Variants in NRG1 observed in about 807,000 individuals in gnomAD.
NRG1 encodes the protein pro-neuregulin-1, membrane-bound isoform.
A neutral mutation model predicts 63.8 loss-of-function variants in NRG1; 18 were observed. The observed-to-expected ratio is 0.28, with a 90% confidence interval of 0.19 to 0.42. The LOEUF (loss-of-function observed/expected upper bound fraction) is 0.42, where lower values mean the gene tolerates loss of function less well. Ranked by LOEUF, NRG1 falls within the 10% of genes least tolerant of loss-of-function variation. NRG1 has a pLI of 1.00. For synonymous variants in NRG1, 302 were observed against 301.3 expected (o/e 1.00, Z -0.02); for missense variants, 762 against 814.7 (o/e 0.94, Z 0.79).
chr8:32,403,249 G>A lies in NRG1; in HGVS notation c.38-192579G>A, dbSNP rs540278537. ...GAAGGCAGAAAAGTTGCAGTGAGCC[G>A]AGATCATGCCACTGCACTCCAGCCT... On this transcript the variant is annotated intron_variant, in intron 1 of 10. Coordinates refer to the NRG1 transcript ENST00000519301. 2.0e-3 allele frequency among the ~76,000 whole-genome samples: 290 copies of A among 143,060 alleles called. 1 individual carries two copies. Among genetic ancestry groups the A allele is most frequent in the Non-Finnish European group, 3.2e-3 (212 of 66,734 alleles). 93.9% of individuals were successfully genotyped at this position (143,060 alleles called of 152,430 possible). A position where few individuals can be genotyped will look rare whatever the true frequency, so the allele number is the denominator to read the frequency against.
intron 6 of NRG1, among the ~76,000 whole-genome samples, chr8:32,735,861 T>C (rs1438375206): frequency 1.3e-5 from 2 of 152,210 alleles, no homozygotes; most frequent in African/African-American, 2.4e-5. Context: ...TTATATGTCC[T>C]GGACATTGAA....
chr8:32,460,673 A>G (rs1277016796), intron 1 of NRG1, among the ~76,000 whole-genome samples: 1 of 152,342 alleles, frequency 6.6e-6, no homozygotes, highest in Admixed American at 6.5e-5. Context: ...GAAAAAACCC[A>G]GACAACAACA....
intron 5 of NRG1, among the ~76,000 whole-genome samples, chr8:32,694,595 C>G (rs1812755191): frequency 1.3e-5 from 2 of 152,096 alleles, no homozygotes; most frequent in Non-Finnish European, 2.9e-5. Flanking sequence ...ACTATGAAGA[C>G]CCACACTGAC....
At chr8:32,009,547 A>C (rs1814392469) in intron 1 of NRG1, among the ~76,000 whole-genome samples, 1 of 152,018 alleles carries the variant, frequency 6.6e-6, no homozygotes, top group Non-Finnish European at 1.5e-5. Flanking sequence ...TGAAAAAAAT[A>C]AAGCAGGAAA....
rs1817286988 is a variant in NRG1, at chr8:31,759,259, A to G, written c.37+119828A>G. On this transcript the variant is annotated intron_variant, in intron 1 of 10. Coordinates refer to the NRG1 transcript ENST00000519301. Reference sequence around the variant, plus strand: ...TTAAAATATTGATAAACCCTATTTTATCAGTGTTTTCTGTTATCATTAGTT... The same window carrying G: ...TTAAAATATTGATAAACCCTATTTTGTCAGTGTTTTCTGTTATCATTAGTT... Among the ~76,000 whole-genome samples, 4 of 152,098 alleles carry G rather than the reference A, an allele frequency of 2.6e-5. No individual in the cohort carries two copies. In the South Asian group the frequency reaches 6.2e-4, roughly 24 times the overall value.
chr8:32,040,502 A>G (rs998888106), intron 1 of NRG1, among the ~76,000 whole-genome samples: 37 of 151,738 alleles, frequency 2.4e-4, no homozygotes, highest in African/African-American at 7.2e-4. Context: ...GTTAGTCATT[A>G]TATGTTATGT....
At chr8:32,033,973 CTT>C (rs1818659197) in intron 1 of NRG1, among the ~76,000 whole-genome samples, 3 of 152,124 alleles carry the variant, frequency 2.0e-5, no homozygotes, top group Admixed American at 1.3e-4. Flanking sequence ...CTGGCCATAA[CTT>C]TGAATACTAT....
At chr8:32,473,392 G>A (rs1351092071) in intron 1 of NRG1, among the ~76,000 whole-genome samples, 3 of 152,140 alleles carry the variant, frequency 2.0e-5, no homozygotes, top group African/African-American at 7.2e-5. Flanking sequence ...CTAACATCCT[G>A]AGAGCTAAAA....
At chr8:31,916,538 C>T (rs1833405953) in intron 1 of NRG1, among the ~76,000 whole-genome samples, 1 of 152,296 alleles carries the variant, frequency 6.6e-6, no homozygotes, top group East Asian at 1.9e-4. Context: ...ATGAACTCAT[C>T]CTTTTTTATG....
At chr8:32,427,264 CT>C (rs1817503118) in intron 1 of NRG1, among the ~76,000 whole-genome samples, 1 of 152,098 alleles carries the variant, frequency 6.6e-6, no homozygotes, top group African/African-American at 2.4e-5. Flanking sequence ...ATGGTTTTCC[CT>C]GAAAAATCAC....
Position 32,734,831 on chromosome 8 carries a change from A to G in NRG1, c.632+6753A>G, listed in dbSNP as rs1824590002. On this transcript the variant is annotated intron_variant, in intron 6 of 11. Coordinates refer to ENST00000356819, the Ensembl canonical transcript of NRG1. The stretch of plus-strand genomic sequence containing the variant: ...AGTGTTCTGAATAGCTTCATTCCTC[A>G]CTTATAAAAATCAGTTGAGCAGCCA... Among the ~76,000 whole-genome samples the G allele has an allele frequency of 2.0e-5, 3 of 152,292 alleles. No individual in the cohort carries two copies. In the South Asian group the frequency reaches 6.2e-4, roughly 32 times the overall value.
intron 1 of NRG1, among the ~76,000 whole-genome samples, chr8:32,567,810 C>T (rs1345531900): frequency 6.6e-6 from 1 of 152,236 alleles, no homozygotes; most frequent in Admixed American, 6.5e-5. Flanking sequence ...TCAACACAAG[C>T]GTCTTTGCTT....
In NRG1 at chr8:32,617,211, T is replaced by C. The variant is rs149526667; in HGVS notation, c.502+326T>C. ...GGCAAGCAGTAGAGCACATTGTGTGTCTTTTCAGCTTCTCTGGATGCCTTC... is the reference window on the plus strand; with the variant it reads ...GGCAAGCAGTAGAGCACATTGTGTGCCTTTTCAGCTTCTCTGGATGCCTTC... On this transcript the variant is annotated intron_variant, in intron 5 of 11. Coordinates refer to ENST00000356819, the Ensembl canonical transcript of NRG1. Among the ~76,000 whole-genome samples, 1,056 of 152,294 alleles carry C rather than the reference T, an allele frequency of 6.9e-3. 12 individuals are homozygous for C. Among genetic ancestry groups the C allele is most frequent in the African/African-American group, 0.024 (986 of 41,570 alleles).
intron 5 of NRG1, among the ~76,000 whole-genome samples, chr8:32,665,609 A>G (rs947495550): frequency 2.0e-5 from 3 of 152,210 alleles, no homozygotes; most frequent in Non-Finnish European, 4.4e-5. Flanking sequence ...TCAAGATTAA[A>G]GAGGCAATCA....
intron 1 of NRG1, among the ~76,000 whole-genome samples, chr8:31,946,253 G>A (rs935499477): frequency 6.6e-6 from 1 of 152,156 alleles, no homozygotes. Context: ...ATGTAACAAT[G>A]TGTGTGCCCA....
intron 1 of NRG1, among the ~76,000 whole-genome samples, chr8:32,344,991 C>T (rs1360503716): frequency 6.6e-6 from 1 of 152,074 alleles, no homozygotes; most frequent in African/African-American, 2.4e-5. Context: ...AAGAAGCTAG[C>T]TCACAAAAAT....
At chr8:31,717,422 A>G (rs1301604541) in intron 1 of NRG1, among the ~76,000 whole-genome samples, 1 of 151,624 alleles carries the variant, frequency 6.6e-6, no homozygotes, top group African/African-American at 2.4e-5. Flanking sequence ...TAAAAAAAAA[A>G]AAAAAAAGAA....
chr8:31,690,447 A>C (rs2131121645), intron 1 of NRG1, among the ~76,000 whole-genome samples: 1 of 152,324 alleles, frequency 6.6e-6, no homozygotes, highest in East Asian at 1.9e-4. Flanking sequence ...GGCAGAGGGA[A>C]CATTTACTCT....
chr8:32,716,845 T>C (rs1819364851), intron 5 of NRG1, among the ~76,000 whole-genome samples: 1 of 151,354 alleles, frequency 6.6e-6, no homozygotes, highest in African/African-American at 2.4e-5. Context: ...TGTGTGTGCA[T>C]AGCAGCAAAG....
Sources: allele counts gnomAD v4.1 joint callset (sites outside exome capture counted in the v4.1 genomes callset), GRCh38; gene constraint gnomAD v4.1.1; transcripts MANE v1.5; gene names NCBI Gene and HGNC (gene_info 2026-07-23, HGNC 2026-07-21).